GMDS: variants seen among roughly 807,000 people sequenced by gnomAD.
GMDS encodes the protein GDP-mannose 4,6 dehydratase.
A neutral mutation model predicts 49.9 loss-of-function variants in GMDS; 20 were observed. That is an observed-to-expected ratio of 0.40 (90% CI 0.28 to 0.58). The LOEUF (loss-of-function observed/expected upper bound fraction) is 0.58. Among genes scored for constraint, GMDS ranks in the 20% least tolerant of loss-of-function variants. The pLI is 0.42. For synonymous variants in GMDS, 177 were observed against 178.6 expected (o/e 0.99, Z 0.07); for missense variants, 362 against 481.4 (o/e 0.75, Z 2.32).
At chr6:1,923,311 C>G (rs1223725746) in intron 7 of GMDS, among the ~76,000 whole-genome samples, 1 of 152,226 alleles carries the variant, frequency 6.6e-6, no homozygotes, top group Non-Finnish European at 1.5e-5. Flanking sequence ...AGCTGTCACA[C>G]TGGCCCTTTG....
intron 1 of GMDS, among the ~76,000 whole-genome samples, chr6:2,129,130 A>G (rs541590005): frequency 2.0e-5 from 3 of 152,298 alleles, no homozygotes; most frequent in East Asian, 3.9e-4. Flanking sequence ...AATTCACAGA[A>G]TCATGTTTTG....
chr6:2,239,316 G>A (rs1449397549), intron 1 of GMDS, among the ~76,000 whole-genome samples: 3 of 139,374 alleles, frequency 2.2e-5, no homozygotes, highest in Non-Finnish European at 4.5e-5. Context: ...AGGCAACAGA[G>A]TAAGATCTGT....
intron 4 of GMDS, among the ~76,000 whole-genome samples, chr6:2,045,489 C>G (rs1221104009): frequency 6.6e-6 from 1 of 151,004 alleles, no homozygotes; most frequent in Non-Finnish European, 1.5e-5. Context: ...AATTGTAATA[C>G]TATTGCTAAG....
chr6:2,097,840 A>T (rs1773696656), intron 4 of GMDS, among the ~76,000 whole-genome samples: 1 of 152,198 alleles, frequency 6.6e-6, no homozygotes, highest in Admixed American at 6.5e-5. Context: ...AGTGACAAAC[A>T]AAAGAAACAT....
At chr6:2,138,439 A>G (rs1465352710) in intron 1 of GMDS, among the ~76,000 whole-genome samples, 2 of 152,194 alleles carry the variant, frequency 1.3e-5, no homozygotes, top group Non-Finnish European at 2.9e-5. Flanking sequence ...AATCCAAGAC[A>G]CTGTATAGGT....
chr6:1,859,185 G>A (rs78724112), intron 7 of GMDS, among the ~76,000 whole-genome samples: 2,015 of 152,238 alleles, frequency 0.013, 46 homozygotes, highest in African/African-American at 0.046. Flanking sequence ...GAGTCTGACC[G>A]TAGACATTGA....
chr6:1,787,926 C>T (rs556781791), intron 7 of GMDS, among the ~76,000 whole-genome samples: 18 of 152,184 alleles, frequency 1.2e-4, no homozygotes, highest in African/African-American at 3.9e-4. Flanking sequence ...GCTGGAGGTG[C>T]GGCTAGTGGG....
At chr6:1,940,153 C>G (rs917905564) in intron 6 of GMDS, among the ~76,000 whole-genome samples, 1 of 151,594 alleles carries the variant, frequency 6.6e-6, no homozygotes, top group Non-Finnish European at 1.5e-5. Flanking sequence ...GTTTGTGTGT[C>G]TACAGATACA....
chr6:1,806,964 G>C (rs866484500), intron 7 of GMDS, among the ~76,000 whole-genome samples: 14 of 152,152 alleles, frequency 9.2e-5, no homozygotes, highest in Non-Finnish European at 1.6e-4. Flanking sequence ...ATGCATATTT[G>C]TCTTAATTTA....
intron 7 of GMDS, among the ~76,000 whole-genome samples, chr6:1,842,085 T>C (rs1438992827): frequency 4.6e-5 from 7 of 152,196 alleles, no homozygotes; most frequent in Admixed American, 1.3e-4. Context: ...CAGTTCCCTC[T>C]CAAAGGCTGT....
At chr6:1,726,253 C>G (rs1766581871) in intron 9 of GMDS, among the ~76,000 whole-genome samples, 163 bp downstream of exon 9, 1 of 152,222 alleles carries the variant, frequency 6.6e-6, no homozygotes, top group South Asian at 2.1e-4. Flanking sequence ...GAATGATAAT[C>G]TCAAATTGAA....
At chr6:1,825,977 C>T (rs1231419805) in intron 7 of GMDS, among the ~76,000 whole-genome samples, 1 of 152,166 alleles carries the variant, frequency 6.6e-6, no homozygotes, top group Non-Finnish European at 1.5e-5. Flanking sequence ...GATCACACCA[C>T]TGTACTCCAG....
At chr6:1,955,496 T>C (rs967695261) in intron 6 of GMDS, among the ~76,000 whole-genome samples, 19 of 152,208 alleles carry the variant, frequency 1.2e-4, no homozygotes, top group African/African-American at 4.3e-4. Context: ...TTCTTATTAA[T>C]TTGTAGTAAA....
At chr6:2,065,162 G>A (rs6923705) in intron 4 of GMDS, among the ~76,000 whole-genome samples, 1 of 152,048 alleles carries the variant, frequency 6.6e-6, no homozygotes, top group Non-Finnish European at 1.5e-5. Flanking sequence ...AGCAGGGGCA[G>A]ACTGACACCT....
chr6:2,087,806 G>A (rs1486112740), intron 4 of GMDS, among the ~76,000 whole-genome samples: 1 of 152,160 alleles, frequency 6.6e-6, no homozygotes, highest in Non-Finnish European at 1.5e-5. Flanking sequence ...CATCAAAGAA[G>A]TTTTTAGTTT....
intron 6 of GMDS, among the ~76,000 whole-genome samples, chr6:1,938,061 G>A (rs564916556): frequency 2.6e-5 from 4 of 152,114 alleles, no homozygotes; most frequent in Admixed American, 1.3e-4. Flanking sequence ...CATGAGAGGG[G>A]CATTGTTTCC....
intron 9 of GMDS, among the ~76,000 whole-genome samples, chr6:1,710,270 T>C (rs1017361787): frequency 6.6e-6 from 1 of 152,228 alleles, no homozygotes; most frequent in Non-Finnish European, 1.5e-5. Flanking sequence ...TGTGTATGTG[T>C]ATATTCCTGA....
chr6:1,940,020 G>GT (rs754779633), intron 6 of GMDS, among the ~76,000 whole-genome samples: 2 of 152,074 alleles, frequency 1.3e-5, no homozygotes, highest in Non-Finnish European at 2.9e-5. Context: ...TGCCGTAGAC[G>GT]TAAGGAAGAA....
At chr6:1,624,579 GT>G in intron 9 of GMDS, 39 bp from the exon 10 acceptor site, 5 of 1,417,702 alleles carry the variant, frequency 3.5e-6, no homozygotes, top group South Asian at 1.2e-5. Context: ...GGCGTGGGTC[GT>G]GGGGGTGGGG....
Sources: gnomAD v4.1 joint callset for allele counts (sites outside exome capture counted in the v4.1 genomes callset) on GRCh38, gnomAD v4.1.1 for gene constraint, MANE v1.5 for transcripts, NCBI Gene and HGNC (gene_info 2026-07-23, HGNC 2026-07-21) for gene names.